STAG2: variants seen among roughly 807,000 people sequenced by gnomAD.
STAG2 encodes STAG2 cohesin complex component.
Under a neutral mutation model 108.1 loss-of-function variants are expected in STAG2, and 14 were observed. That is an observed-to-expected ratio of 0.13 (90% CI 0.09 to 0.20). STAG2 has a LOEUF of 0.20. Among genes scored for constraint, STAG2 ranks in the 10% least tolerant of loss-of-function variants. STAG2 has a pLI of 1.00. For synonymous variants in STAG2, 307 were observed against 302.7 expected, an observed-to-expected ratio of 1.01 and a Z score of -0.15; for missense variants, 440 against 940.9, an observed-to-expected ratio of 0.47 and a Z score of 6.96.
chrX:123,968,062 G>T (rs777362974), intron 1 of STAG2, among the ~76,000 whole-genome samples: 1 of 110,133 alleles, frequency 9.1e-6, no homozygotes, highest in Non-Finnish European at 1.9e-5. Flanking sequence ...CACCATACCC[G>T]GCTAATCTTT....
intron 30 of STAG2, among the ~76,000 whole-genome samples, chrX:124,088,764 G>A (rs1004962274): frequency 1.1e-4 from 12 of 107,957 alleles, no homozygotes; most frequent in Non-Finnish European, 2.3e-4. Flanking sequence ...ACAGGCATGC[G>A]CCACCACACC....
chrX:124,078,447 A>G (rs900447974), intron 27 of STAG2, among the ~76,000 whole-genome samples: 22 of 112,059 alleles, frequency 2.0e-4, no homozygotes, highest in African/African-American at 5.5e-4. Context: ...CTAAAAGTCT[A>G]TTAGGATATT....
chrX:124,029,590 C>T (rs778216383), intron 4 of STAG2, among the ~76,000 whole-genome samples: 34 of 112,638 alleles, frequency 3.0e-4, no homozygotes, highest in African/African-American at 9.3e-4. Context: ...GGATTACAGG[C>T]GTGAGCCACC....
Position 123,973,844 on chromosome X carries a change from CA to C in STAG2, c.-163+12002del, listed in dbSNP as rs1340971234. Among the ~76,000 whole-genome samples, 818 of 85,493 alleles carry C rather than the reference CA, an allele frequency of 9.6e-3. 6 individuals carry two copies. The highest frequency in any genetic ancestry group is 0.026 in the African/African-American group (614 of 23,412). The allele number at this position is 85,493 out of a possible 115,157, so 74.2% of individuals were successfully genotyped here. A position where few individuals can be genotyped will look rare whatever the true frequency, so the allele number is the denominator to read the frequency against. ...GGACAACAAGAGTGAAACTCCCTCT[CA>C]AAAAAAAAAAAAAGTACCTATGAAA... On this transcript the variant is annotated intron_variant, in intron 1 of 34. Coordinates refer to ENST00000371145, the MANE Select transcript of STAG2 (RefSeq NM_001042750.2).
At chrX:124,067,662 T>G (rs996103868) in intron 23 of STAG2, among the ~76,000 whole-genome samples, 1 of 111,353 alleles carries the variant, frequency 9.0e-6, no homozygotes, top group African/African-American at 3.3e-5. Flanking sequence ...GTATAATTGC[T>G]CACCTATGTT....
At chrX:124,040,210 C>T (rs2057663866) in intron 6 of STAG2, among the ~76,000 whole-genome samples, 1 of 111,390 alleles carries the variant, frequency 9.0e-6, no homozygotes, top group Non-Finnish European at 1.9e-5. Context: ...GTTATTTTTT[C>T]TACAATACAT....
rs186296595 is a variant in STAG2, at chrX:124,015,158, T to G, written c.-162-6209T>G. On this transcript the variant is annotated intron_variant, in intron 1 of 34. Transcript: ENST00000371145. ...CCCAACCACCAAGTCCGGCTAATTTTTTGTTGTTTAGTAGAGATGGGGTTT... is the reference window on the plus strand; with the variant it reads ...CCCAACCACCAAGTCCGGCTAATTTGTTGTTGTTTAGTAGAGATGGGGTTT... Among the ~76,000 whole-genome samples, 449 of 105,549 alleles carry G rather than the reference T, an allele frequency of 4.3e-3. 2 individuals are homozygous for G. Among genetic ancestry groups the G allele is most frequent in the African/African-American group, 0.015 (421 of 28,889 alleles). 91.7% of individuals were successfully genotyped at this position (105,549 alleles called of 115,157 possible).
At chrX:124,095,498 G>T (rs1241683727) in intron 34 of STAG2, 49 bp downstream of exon 34, 1 of 1,012,164 alleles carries the variant, frequency 9.9e-7, no homozygotes, top group Non-Finnish European at 1.4e-6. Flanking sequence ...AGAAGTATAG[G>T]CAGTCTCTCA....
chrX:123,991,355 C>T (rs1381281720), intron 1 of STAG2, among the ~76,000 whole-genome samples: 1 of 110,290 alleles, frequency 9.1e-6, no homozygotes, highest in Non-Finnish European at 1.9e-5. Context: ...TATGGTATAA[C>T]AATTTTTTTT....
intron 6 of STAG2, among the ~76,000 whole-genome samples, chrX:124,039,838 C>T (rs1035314880): frequency 1.7e-4 from 18 of 108,874 alleles, no homozygotes; most frequent in Admixed American, 4.0e-4. Context: ...AAAACAAGGC[C>T]GCAGAGCATG....
intron 1 of STAG2, among the ~76,000 whole-genome samples, chrX:123,962,936 A>C (rs947457535): frequency 1.2e-4 from 13 of 110,427 alleles, no homozygotes; most frequent in Non-Finnish European, 5.7e-5. Context: ...TAATTTAGTG[A>C]CTCTTAAACC....
chrX:124,043,511 T>TAA (rs1410139330), intron 7 of STAG2, among the ~76,000 whole-genome samples: 1 of 111,732 alleles, frequency 8.9e-6, no homozygotes, highest in African/African-American at 3.3e-5. Flanking sequence ...ATAAGGCTGT[T>TAA]ACGAAGATTG....
At chrX:124,066,016 G>A (rs2148338585) in intron 21 of STAG2, 70 bp downstream of exon 21, 1 of 1,017,574 alleles carries the variant, frequency 9.8e-7, no homozygotes. Flanking sequence ...TGTGGGTTAT[G>A]TTAATTTCTA....
chrX:123,983,974 CTTTTTTTT>C (rs199881082), intron 1 of STAG2, among the ~76,000 whole-genome samples: 11 of 61,455 alleles, frequency 1.8e-4, no homozygotes, highest in South Asian at 1.6e-3. Context: ...CTTTTCTTTT[CTTTTTTTT>C]TTTTTTTTTT....
chrX:124,036,789 G>A (rs1245241191), intron 5 of STAG2, among the ~76,000 whole-genome samples: 1 of 111,387 alleles, frequency 9.0e-6, no homozygotes, highest in Non-Finnish European at 1.9e-5. Context: ...ACCATATTGA[G>A]ATATATTTAC....
In STAG2 at chrX:124,015,516, C is replaced by G. The variant is rs191342743; in HGVS notation, c.-162-5851C>G. ...TCTCCTGCCTCAGCCTCCCAAGTAGCTGGGATTACAGGTGCATGCCACCAT... is the reference window on the plus strand; with the variant it reads ...TCTCCTGCCTCAGCCTCCCAAGTAGGTGGGATTACAGGTGCATGCCACCAT... On this transcript the variant is annotated intron_variant, in intron 1 of 34. Transcript: ENST00000371145. Among the ~76,000 whole-genome samples the G allele has an allele frequency of 4.8e-3, 519 of 108,954 alleles. 2 individuals are homozygous for G. The highest frequency in any genetic ancestry group is 0.016 in the African/African-American group (484 of 29,869). The allele number at this position is 108,954 out of a possible 115,157, so 94.6% of individuals were successfully genotyped here.
chrX:123,999,123 A>G (rs539502291), intron 1 of STAG2, among the ~76,000 whole-genome samples: 1 of 111,189 alleles, frequency 9.0e-6, no homozygotes, highest in Non-Finnish European at 1.9e-5. Flanking sequence ...AAATAAAACC[A>G]TCCTGTTTTT....
At chrX:124,067,361 C>G (rs955697492) in intron 23 of STAG2, among the ~76,000 whole-genome samples, 6 of 98,272 alleles carry the variant, frequency 6.1e-5, no homozygotes, top group Non-Finnish European at 1.2e-4. Flanking sequence ...CTCTGACTTG[C>G]GGGTTCAAGC....
At chrX:124,070,222 T>G (rs754523011) in intron 24 of STAG2, among the ~76,000 whole-genome samples, 12 of 111,868 alleles carry the variant, frequency 1.1e-4, no homozygotes, top group Admixed American at 5.7e-4. Context: ...TGTTGCAAGT[T>G]TTTGTAGACT....
Sources: gnomAD v4.1 joint callset for allele counts (sites outside exome capture counted in the v4.1 genomes callset) on GRCh38, gnomAD v4.1.1 for gene constraint, MANE v1.5 for transcripts, NCBI Gene and HGNC (gene_info 2026-07-23, HGNC 2026-07-21) for gene names.